Variants in CNTNAP2 observed in about 807,000 individuals in gnomAD.
CNTNAP2 encodes the protein contactin associated protein 2, also known as contactin-associated protein-like 2.
Under a neutral mutation model 155.2 loss-of-function variants are expected in CNTNAP2, and 98 were observed. That is an observed-to-expected ratio of 0.63 (90% CI 0.54 to 0.75). The LOEUF is 0.75. Among genes scored for constraint, CNTNAP2 ranks in the 30% least tolerant of loss-of-function variants. The probability of loss-of-function intolerance (pLI) is 0.00; values close to 1 mark genes in which losing one functional copy is unlikely to be tolerated. For synonymous variants in CNTNAP2, 651 were observed against 631.2 expected, an observed-to-expected ratio of 1.03 and a Z score of -0.47; for missense variants, 1,727 against 1,688.1, an observed-to-expected ratio of 1.02 and a Z score of -0.40.
At chr7:147,147,932 G>A (rs1399603097) in intron 8 of CNTNAP2, among the ~76,000 whole-genome samples, 1 of 152,124 alleles carries the variant, frequency 6.6e-6, no homozygotes, top group East Asian at 1.9e-4. Flanking sequence ...TTATTCATAC[G>A]TGAATATTGC....
intron 10 of CNTNAP2, among the ~76,000 whole-genome samples, chr7:147,444,542 T>C (rs2373128): frequency 6.7e-6 from 1 of 150,042 alleles, no homozygotes; most frequent in Non-Finnish European, 1.5e-5. Context: ...TTTTTTTTTT[T>C]ACTAGCATCA....
chr7:147,023,718 G>C (rs964731490), intron 3 of CNTNAP2, among the ~76,000 whole-genome samples: 5 of 152,160 alleles, frequency 3.3e-5, no homozygotes, highest in African/African-American at 1.2e-4. Context: ...ATGACTTCTA[G>C]GCATCTGCCC....
chr7:146,483,145 G>A (rs1409692279), intron 1 of CNTNAP2, among the ~76,000 whole-genome samples: 7 of 149,622 alleles, frequency 4.7e-5, no homozygotes, highest in South Asian at 2.1e-4. Context: ...GCATGGTGGC[G>A]GGCGCCTGTA....
At chr7:147,391,457 C>A (rs1326732697) in intron 9 of CNTNAP2, among the ~76,000 whole-genome samples, 1 of 152,114 alleles carries the variant, frequency 6.6e-6, no homozygotes, top group Non-Finnish European at 1.5e-5. Context: ...TTTGTCCCAA[C>A]TCTGTCCCTT....
chr7:147,537,575 T>TA (rs34640976), intron 11 of CNTNAP2, among the ~76,000 whole-genome samples: 17 of 148,262 alleles, frequency 1.1e-4, no homozygotes, highest in Middle Eastern at 3.4e-3. Context: ...TAAAGAACCT[T>TA]AAAAAAAAAA....
chr7:147,488,558 A>T (rs963846933), intron 11 of CNTNAP2, among the ~76,000 whole-genome samples: 5 of 144,500 alleles, frequency 3.5e-5, no homozygotes, highest in Non-Finnish European at 3.1e-5. Flanking sequence ...TTTTTTTTAA[A>T]AAAAGCAGCT....
chr7:146,644,629 TA>T (rs1257369717), intron 1 of CNTNAP2, among the ~76,000 whole-genome samples: 2 of 151,818 alleles, frequency 1.3e-5, no homozygotes, highest in Non-Finnish European at 2.9e-5. Flanking sequence ...ATAGACGCAA[TA>T]AAAAATGATA....
At chr7:148,291,190 G>T (rs1797183214) in intron 21 of CNTNAP2, among the ~76,000 whole-genome samples, 1 of 151,592 alleles carries the variant, frequency 6.6e-6, no homozygotes, top group Admixed American at 6.6e-5. Flanking sequence ...TCAATCACAT[G>T]GTAAATTAGT....
chr7:147,742,667 C>T (rs930603709), intron 13 of CNTNAP2, among the ~76,000 whole-genome samples: 10 of 152,180 alleles, frequency 6.6e-5, no homozygotes, highest in African/African-American at 2.4e-4. Flanking sequence ...TCTGGATATT[C>T]AGCTTCAATA....
chr7:146,720,696 T>G (rs1396999969), intron 1 of CNTNAP2, among the ~76,000 whole-genome samples: 1 of 151,892 alleles, frequency 6.6e-6, no homozygotes, highest in Admixed American at 6.6e-5. Flanking sequence ...ACGTTTTCAC[T>G]CTTTATTATA....
chr7:146,654,733 CT>C (rs1408836928), intron 1 of CNTNAP2, among the ~76,000 whole-genome samples: 28 of 152,060 alleles, frequency 1.8e-4, no homozygotes, highest in African/African-American at 6.3e-4. Flanking sequence ...GAAATAATGT[CT>C]TTGGCTTGTT....
chr7:146,442,986 C>T (rs1796342169), intron 1 of CNTNAP2, among the ~76,000 whole-genome samples: 1 of 151,874 alleles, frequency 6.6e-6, no homozygotes, highest in Non-Finnish European at 1.5e-5. Flanking sequence ...GCGGGCAGAT[C>T]ACCAGGTCAG....
chr7:146,221,374 TTAAA>T (rs1799206509), intron 1 of CNTNAP2, among the ~76,000 whole-genome samples: 1 of 151,966 alleles, frequency 6.6e-6, no homozygotes, highest in African/African-American at 2.4e-5. Context: ...AAATATACTT[TTAAA>T]TATACTTATA....
At chr7:147,294,445 T>A (rs1318764761) in intron 8 of CNTNAP2, among the ~76,000 whole-genome samples, 1 of 152,176 alleles carries the variant, frequency 6.6e-6, no homozygotes, top group African/African-American at 2.4e-5. Context: ...CTTAGTTGTT[T>A]AAGATATAGG....
At chr7:146,525,582 A>ATCTC (rs1309739998) in intron 1 of CNTNAP2, among the ~76,000 whole-genome samples, 16 of 135,252 alleles carry the variant, frequency 1.2e-4, no homozygotes, top group South Asian at 2.3e-4. Context: ...CTATCTCTCT[A>ATCTC]TCTATCATCT....
At chr7:146,244,083 A>G (rs1304661233) in intron 1 of CNTNAP2, among the ~76,000 whole-genome samples, 1 of 152,188 alleles carries the variant, frequency 6.6e-6, no homozygotes, top group African/African-American at 2.4e-5. Context: ...ACGGTTTTGT[A>G]TGAATTGAAA....
intron 1 of CNTNAP2, among the ~76,000 whole-genome samples, chr7:146,163,569 A>T (rs1052222395): frequency 9.4e-6 from 1 of 106,652 alleles, no homozygotes; most frequent in Non-Finnish European, 2.2e-5. Context: ...ATATCTATCT[A>T]TATCTATCTA....
rs58133194 is a variant in CNTNAP2, at chr7:146,806,394, G to A, written c.208+32013G>A. On this transcript the variant is annotated intron_variant, in intron 2 of 23. Coordinates refer to ENST00000361727, the MANE Select transcript of CNTNAP2 (RefSeq NM_014141.6). ...GCCTGTAATCCCAGCTACTTGGGAGGCTGAGGCAGGAGAATCACTTGAACC... is the reference window on the plus strand; with the variant it reads ...GCCTGTAATCCCAGCTACTTGGGAGACTGAGGCAGGAGAATCACTTGAACC... Among the ~76,000 whole-genome samples, 345 of 152,078 alleles carry A rather than the reference G, an allele frequency of 2.3e-3. 4 individuals carry two copies. Among genetic ancestry groups the A allele is most frequent in the African/African-American group, 7.8e-3 (324 of 41,506 alleles).
chr7:146,990,891 A>G (rs1337335266), intron 3 of CNTNAP2, among the ~76,000 whole-genome samples: 1 of 152,074 alleles, frequency 6.6e-6, no homozygotes, highest in African/African-American at 2.4e-5. Flanking sequence ...ACGGCCAAGG[A>G]AACTTTGGTT....
Sources: gnomAD v4.1 joint callset for allele counts (sites outside exome capture counted in the v4.1 genomes callset) on GRCh38, gnomAD v4.1.1 for gene constraint, MANE v1.5 for transcripts, NCBI Gene and HGNC (gene_info 2026-07-23, HGNC 2026-07-21) for gene names.